The following SIM1 variants were observed in gnomAD, a reference collection of about 807,000 sequenced individuals.
The protein encoded by SIM1 is single-minded homolog 1.
A neutral mutation model predicts 78.2 loss-of-function variants in SIM1; 18 were observed. The ratio of observed to expected loss-of-function variants is 0.23; its 90% confidence interval spans 0.16 to 0.34. The LOEUF (loss-of-function observed/expected upper bound fraction) is 0.34, where lower values mean the gene tolerates loss of function less well. SIM1 is among the 10% of genes least tolerant of loss of function. The pLI is 1.00. For synonymous variants in SIM1, 417 were observed against 385.2 expected (o/e 1.08, Z -0.97); for missense variants, 939 against 975.1 (o/e 0.96, Z 0.49).
In SIM1 at chr6:100,412,681, G is replaced by A. The variant is rs200502541; in HGVS notation, c.1167+8109C>T. Among the ~76,000 whole-genome samples the A allele has an allele frequency of 8.5e-3, 610 of 71,972 alleles. 3 individuals carry two copies. The highest frequency in any genetic ancestry group is 0.022 in the East Asian group (43 of 1,954). 47.2% of individuals were successfully genotyped at this position (71,972 alleles called of 152,430 possible). A position where few individuals can be genotyped will look rare whatever the true frequency, so the allele number is the denominator to read the frequency against. On this transcript the variant is annotated intron_variant, in intron 10 of 11. Coordinates refer to ENST00000369208, the MANE Select transcript of SIM1 (RefSeq NM_005068.3). The stretch of plus-strand genomic sequence containing the variant: ...AGAGAGAGAGAGAGAGAGAAAGAAA[G>A]AAAAAGAAAGAAAGAAAGAAAGAAA...
At chr6:100,399,975 T>C (rs1319397655) in intron 10 of SIM1, among the ~76,000 whole-genome samples, 1 of 151,856 alleles carries the variant, frequency 6.6e-6, no homozygotes, top group Non-Finnish European at 1.5e-5. Flanking sequence ...CCAAGCAAAG[T>C]AGAACTCAGG....
intron 9 of SIM1, among the ~76,000 whole-genome samples, chr6:100,439,641 C>G (rs933211311): frequency 1.1e-4 from 17 of 152,178 alleles, no homozygotes; most frequent in African/African-American, 4.1e-4. Flanking sequence ...AAAGGCTCCA[C>G]TGAACACCAT....
Position 100,390,981 on chromosome 6 carries a change from G to A in SIM1, c.1681C>T (p.Pro561Ser). 6.2e-7 allele frequency: 1 copy of A among 1,614,038 alleles called. No individual in the cohort carries two copies. Among genetic ancestry groups the A allele is most frequent in the Non-Finnish European group, 8.5e-7 (1 of 1,180,002 alleles). Reference protein sequence around the residue: ...TEQYQSSPHEPSKIETLIRAT... With the variant: ...TEQYQSSPHESSKIETLIRAT... ...CTTATAAGAGTTTCAATTTTGCTGG[G>A]TTCATGTGGGCTACTTTGATACTGC... The change falls in exon 12 of 12, where the codon CCC (proline) becomes TCC (serine). Residue 561 changes from proline to serine, a missense_variant. Pro to Ser is a moderately conservative substitution (Grantham distance 74, BLOSUM62 -1). This residue lies in a region of SIM1 where 556 missense variants were observed against 521.9 expected (regional missense o/e 1.07). Transcript: ENST00000369208.
At chr6:100,428,380 A>G (rs115266643) in intron 9 of SIM1, among the ~76,000 whole-genome samples, 2,135 of 152,316 alleles carry the variant, frequency 0.014, 46 homozygotes, top group African/African-American at 0.046. Context: ...TATCTACAAT[A>G]GAAAAATAAG....
intron 10 of SIM1, among the ~76,000 whole-genome samples, chr6:100,408,520 A>G (rs1048255486): frequency 6.6e-6 from 1 of 151,956 alleles, no homozygotes; most frequent in African/African-American, 2.4e-5. Flanking sequence ...GAAAGTTTTC[A>G]GCTTTTCACC....
intron 10 of SIM1, among the ~76,000 whole-genome samples, chr6:100,409,697 T>G (rs529108376): frequency 4.6e-5 from 7 of 152,166 alleles, no homozygotes; most frequent in Non-Finnish European, 1.0e-4. Context: ...AAACTGCTTT[T>G]GCTGCAACCC....
At chr6:100,445,479 G>A (rs979437436) in intron 9 of SIM1, among the ~76,000 whole-genome samples, 1 of 152,112 alleles carries the variant, frequency 6.6e-6, no homozygotes, top group Non-Finnish European at 1.5e-5. Flanking sequence ...GTGATGTAAA[G>A]TTGATCATCT....
intron 9 of SIM1, among the ~76,000 whole-genome samples, chr6:100,426,139 G>T (rs995525944): frequency 3.9e-5 from 6 of 152,148 alleles, no homozygotes; most frequent in Non-Finnish European, 4.4e-5. Context: ...TCCCTTCAAT[G>T]ATTTGTAGAG....
intron 9 of SIM1, 148 bp downstream of exon 9, chr6:100,447,120 G>C: frequency 1.3e-6 from 1 of 768,406 alleles, no homozygotes; most frequent in Non-Finnish European, 2.1e-6. Context: ...TGTTCGATCT[G>C]CCTCCTCTTG....
intron 3 of SIM1, among the ~76,000 whole-genome samples, chr6:100,453,394 G>A (rs1772563150): frequency 6.6e-6 from 1 of 152,126 alleles, no homozygotes; most frequent in Non-Finnish European, 1.5e-5. Context: ...TCCTTCATTT[G>A]GGATGGTTCT....
Position 100,447,369 on chromosome 6 carries a change from C to A in SIM1, c.897G>T (p.Ala299=). The A allele has an allele frequency of 6.2e-7, 1 of 1,614,238 alleles. No homozygotes were observed. Among genetic ancestry groups the A allele is most frequent in the Non-Finnish European group, 8.5e-7 (1 of 1,180,048 alleles). The change falls in exon 9 of 12, where the codon GCG becomes GCT. Residue 299 remains alanine, a synonymous_variant. Transcript: ENST00000369208. ...QVTTKYYRFL[A]KHGGWVWVQS... is the part of the protein sequence containing the mutation. Reference sequence around the variant, plus strand: ...GCACCCATACCCAGCCGCCGTGTTTCGCCAGGAACCTGTAGTACTTGGTGG... The same window carrying A: ...GCACCCATACCCAGCCGCCGTGTTTAGCCAGGAACCTGTAGTACTTGGTGG...
At chr6:100,456,858 G>A (rs923668656) in intron 2 of SIM1, among the ~76,000 whole-genome samples, 3 of 152,158 alleles carry the variant, frequency 2.0e-5, no homozygotes, top group Admixed American at 6.5e-5. Context: ...CTGACCCAAG[G>A]ATTACCTCAA....
intron 10 of SIM1, among the ~76,000 whole-genome samples, chr6:100,411,768 A>T (rs1303654333): frequency 6.6e-6 from 1 of 152,172 alleles, no homozygotes. Context: ...TAGAAGGCAG[A>T]TTATTCTAAA....
intron 9 of SIM1, among the ~76,000 whole-genome samples, chr6:100,444,309 C>T (rs1772298175): frequency 6.6e-6 from 1 of 152,116 alleles, no homozygotes; most frequent in African/African-American, 2.4e-5. Context: ...TTGAAAATAA[C>T]CAGAGATCAA....
chr6:100,457,894 C>T (rs1431660873), intron 2 of SIM1, among the ~76,000 whole-genome samples: 3 of 152,248 alleles, frequency 2.0e-5, no homozygotes, highest in African/African-American at 7.2e-5. Flanking sequence ...CCTGATCTCT[C>T]CTGCCTGCTG....
intron 2 of SIM1, among the ~76,000 whole-genome samples, chr6:100,459,414 G>A (rs1004697652): frequency 6.6e-6 from 1 of 152,142 alleles, no homozygotes; most frequent in Non-Finnish European, 1.5e-5. Context: ...AGGGTAAACT[G>A]TGCTTAAAGG....
At position 100,412,603 on chromosome 6, in the gene SIM1, GAAA is replaced by G. The variant is rs1771236785; in HGVS notation, c.1167+8184_1167+8186del. Among the ~76,000 whole-genome samples, 13 of 91,908 alleles carry G rather than the reference GAAA, an allele frequency of 1.4e-4. 1 individual carries two copies. The highest frequency in any genetic ancestry group is 5.5e-4 in the East Asian group (1 of 1,812). 60.3% of individuals were successfully genotyped at this position (91,908 alleles called of 152,430 possible). On this transcript the variant is annotated intron_variant, in intron 10 of 11. Coordinates refer to ENST00000369208, the MANE Select transcript of SIM1 (RefSeq NM_005068.3). ...AGAAAGAAAGAAAGAAAGAAAGAAAGAAAGAAAGGAAAGAAAGAAGGAAAGAAA... is the reference window on the plus strand; with the variant it reads ...AGAAAGAAAGAAAGAAAGAAAGAAAGGAAAGGAAAGAAAGAAGGAAAGAAA...
chr6:100,454,792 G>A (rs1772603643), intron 2 of SIM1, among the ~76,000 whole-genome samples: 2 of 152,156 alleles, frequency 1.3e-5, no homozygotes, highest in African/African-American at 4.8e-5. Flanking sequence ...ATTTAATATG[G>A]AGTCGGCTAG....
chr6:100,450,665 G>C (rs1053020869), intron 3 of SIM1, among the ~76,000 whole-genome samples: 1,416 of 117,312 alleles, frequency 0.012, 40 homozygotes, highest in Non-Finnish European at 0.017. Context: ...CACACACACT[G>C]TCTCTCTCTC....
Sources: allele counts gnomAD v4.1 joint callset (sites outside exome capture counted in the v4.1 genomes callset), GRCh38; gene constraint gnomAD v4.1.1; regional missense constraint gnomAD v4.1.1; transcripts MANE v1.5; gene names NCBI Gene and HGNC (gene_info 2026-07-23, HGNC 2026-07-21).